MYO18A: variants seen among roughly 807,000 people sequenced by gnomAD.
The protein encoded by MYO18A is unconventional myosin-XVIIIa.
MYO18A carries 78 observed loss-of-function variants against 235.8 expected under a neutral mutation model. The observed-to-expected ratio is 0.33, with a 90% CI of 0.28 to 0.40. The LOEUF is 0.40. MYO18A is among the 10% of genes least tolerant of loss of function. MYO18A has a pLI of 1.00. For missense variants in MYO18A, 2,215 were observed against 2,699.3 expected (o/e 0.82, Z 3.98); for synonymous variants, 977 against 1,077.8 (o/e 0.91, Z 1.83).
chr17:29,154,834 C>A (rs1388222835), intron 2 of MYO18A, among the ~76,000 whole-genome samples: 3 of 152,200 alleles, frequency 2.0e-5, no homozygotes, highest in Admixed American at 6.5e-5. Context: ...CTGCTCTGAG[C>A]CCAGTGCTTC....
intron 2 of MYO18A, among the ~76,000 whole-genome samples, chr17:29,159,478 CAAAA>C (rs201756176): frequency 6.6e-6 from 1 of 151,600 alleles, no homozygotes; most frequent in Admixed American, 6.6e-5. Flanking sequence ...ACAAAACAAA[CAAAA>C]AAAACAGAAA....
chr17:29,089,999 G>A lies in MYO18A; in HGVS notation c.5488C>T (p.Arg1830Cys), dbSNP rs532944708. The A allele has an allele frequency of 1.4e-5, 22 of 1,614,056 alleles. No individual in the cohort carries two copies. The highest frequency in any genetic ancestry group is 2.7e-5 in the African/African-American group (2 of 75,058). The part of the protein sequence containing the change: ...QEAKIRELET[R>C]LEFERTQVKR... ...ACTTGCGTCCTTTCAAACTCCAGGC[G>A]TGTCTCCAGCTCCCGTATCTTAGCT... Residue 1830 changes from arginine to cysteine, a missense_variant, in exon 37 of 42, where the codon CGC becomes TGC. Transcript: ENST00000527372.
At chr17:29,116,682 C>T (rs915027536) in intron 10 of MYO18A, among the ~76,000 whole-genome samples, 19 of 131,936 alleles carry the variant, frequency 1.4e-4, no homozygotes, top group Middle Eastern at 4.3e-3. Flanking sequence ...GAAAGAGACC[C>T]GCAAAGACAT....
chr17:29,110,665 G>C (rs576046432), intron 17 of MYO18A, 43 bp from the exon 18 acceptor site: 6 of 1,563,490 alleles, frequency 3.8e-6, no homozygotes, highest in Non-Finnish European at 5.2e-6. Context: ...CAGTCACATC[G>C]ATGGAGCGGG....
chr17:29,074,472 T>G lies in MYO18A; in HGVS notation c.*298A>C. On this transcript the variant is annotated 3_prime_UTR_variant, in exon 42 of 42. Transcript: ENST00000527372. The surrounding 1 kb of genome is among the most constrained non-coding windows in gnomAD (Gnocchi z 4.4). The stretch of plus-strand genomic sequence containing the variant: ...GAGGGAGGTCAACGTGCTGGCTCCA[T>G]GCAGTGCCAGGCCACCTGCCACTGC... 1.7e-6 allele frequency: 1 copy of G among 578,976 alleles called. No homozygotes were observed. The highest frequency in any genetic ancestry group is 3.1e-6 in the Non-Finnish European group (1 of 318,074). The allele number at this position is 578,976 out of a possible 1,614,324, so 35.9% of individuals were successfully genotyped here.
intron 1 of MYO18A, 32 bp from the exon 2 acceptor site, chr17:29,167,053 A>G: frequency 7.1e-7 from 1 of 1,403,208 alleles, no homozygotes; most frequent in Non-Finnish European, 9.4e-7. Flanking sequence ...GAGAAAGGTT[A>G]TTCGAACAGA....
intron 1 of MYO18A, among the ~76,000 whole-genome samples, chr17:29,178,565 A>T (rs1288434763): frequency 6.6e-6 from 1 of 152,148 alleles, no homozygotes; most frequent in African/African-American, 2.4e-5. Context: ...CGTCATGTCA[A>T]ATCCAGAAAC....
Position 29,140,396 on chromosome 17 carries a change from C to T in MYO18A, c.1000-18143G>A. On this transcript the variant is annotated intron_variant, in intron 2 of 41. Transcript: ENST00000527372. The surrounding 1 kb of genome is among the most constrained non-coding windows in gnomAD (Gnocchi z 4.2). ...AAGGAGACTCCGCTCTGATGCTGCT[C>T]TGGCTCCGTTAGCAGCTCAAAATAG... 1 of 1,284,044 alleles carries T rather than the reference C, an allele frequency of 7.8e-7. No individual in the cohort carries two copies. Among genetic ancestry groups the T allele is most frequent in the Non-Finnish European group, 1.0e-6 (1 of 986,354 alleles). 79.5% of individuals were successfully genotyped at this position (1,284,044 alleles called of 1,614,324 possible).
Position 29,074,237 on chromosome 17 carries a change from G to GC in MYO18A, c.*532dup. On this transcript the variant is annotated 3_prime_UTR_variant, in exon 42 of 42. Coordinates refer to ENST00000527372, the MANE Select transcript of MYO18A (RefSeq NM_078471.4). The surrounding 1 kb of genome is among the most constrained non-coding windows in gnomAD (Gnocchi z 4.4). ...CTTGGGAGCCCCAGCTACCACTACA[G>GC]CCCCCTCCCACTCTCAGGGATGCAG... 1 of 1,533,858 alleles carries GC rather than the reference G, an allele frequency of 6.5e-7. No individual in the cohort carries two copies. The highest frequency in any genetic ancestry group is 8.8e-7 in the Non-Finnish European group (1 of 1,131,186).
chr17:29,120,594 G>A lies in MYO18A; in HGVS notation c.1728+22C>T, dbSNP rs373903270. ...CATGTGGCCTGTGTCCTACTACCCC[G>A]AGTCCTGGGCAGCACTCTCACCTGA... On this transcript the variant is annotated intron_variant, in intron 7 of 41. Coordinates refer to ENST00000527372, the MANE Select transcript of MYO18A (RefSeq NM_078471.4). This position sits in a 1 kb window ranked among gnomAD's most constrained non-coding sequence, Gnocchi z 4.2. 4.0e-5 allele frequency: 64 copies of A among 1,608,732 alleles called. No individual in the cohort carries two copies. Among genetic ancestry groups the A allele is most frequent in the East Asian group, 1.3e-4 (6 of 44,840 alleles).
At chr17:29,092,238 C>A in intron 34 of MYO18A, 105 bp downstream of exon 34, 1 of 791,252 alleles carries the variant, frequency 1.3e-6, no homozygotes. Context: ...GGACCTGTCA[C>A]AAGTCCTGAC....
chr17:29,079,624 G>T, intron 41 of MYO18A: 2 of 801,222 alleles, frequency 2.5e-6, no homozygotes, highest in Non-Finnish European at 3.0e-6. Context: ...ATGCCCGAGA[G>T]GAGTGCGGGT....
intron 2 of MYO18A, among the ~76,000 whole-genome samples, chr17:29,161,560 C>T (rs1442461108): frequency 6.6e-6 from 1 of 151,880 alleles, no homozygotes; most frequent in South Asian, 2.1e-4. Context: ...CTGGCCAGCA[C>T]CTCTGGCTCT....
chr17:29,083,514 G>A (rs58056572), intron 40 of MYO18A, among the ~76,000 whole-genome samples: 4,228 of 62,678 alleles, frequency 0.067, 178 homozygotes, highest in East Asian at 0.42. Context: ...AGCCACACAG[G>A]CATGTGTGCG....
At chr17:29,133,582 C>T (rs1205573641) in intron 2 of MYO18A, among the ~76,000 whole-genome samples, 3 of 152,098 alleles carry the variant, frequency 2.0e-5, no homozygotes, top group Non-Finnish European at 4.4e-5. Flanking sequence ...AGAGGTGGGG[C>T]TTAGGGGAGA....
intron 2 of MYO18A, among the ~76,000 whole-genome samples, chr17:29,138,126 T>C (rs1291475119): frequency 6.6e-6 from 1 of 152,068 alleles, no homozygotes; most frequent in Non-Finnish European, 1.5e-5. Flanking sequence ...CAGGAGGGAA[T>C]GGGGGCACAA....
In MYO18A at chr17:29,109,183, T is replaced by C. The variant is rs2066867706; in HGVS notation, c.3331+675A>G. On this transcript the variant is annotated intron_variant, in intron 19 of 41. Transcript: ENST00000527372. This position sits in a 1 kb window ranked among gnomAD's most constrained non-coding sequence, Gnocchi z 4.1. ...AAAAAAAAACAAAAAAAACCCACCC[T>C]ACTTGAGAGACATGAGACATGACTC... Among the ~76,000 whole-genome samples, 1 of 151,888 alleles carries C rather than the reference T, an allele frequency of 6.6e-6. No individual in the cohort carries two copies. Among genetic ancestry groups the C allele is most frequent in the African/African-American group, 2.4e-5 (1 of 41,346 alleles).
rs528028809 is a variant in MYO18A at position 29,115,248 on chromosome 17, C to T, written c.2318+103G>A. 6.9e-5 allele frequency: 100 copies of T among 1,454,268 alleles called. 1 individual carries two copies. The South Asian group carries it at 9.2e-4, about 13-fold the overall frequency. The allele number at this position is 1,454,268 out of a possible 1,614,324, so 90.1% of individuals were successfully genotyped here. ...GCTCATAGCCCATGGGACAGGGAGCCCCTGCTGGAAGAGACCGGCTCTGCC... is the reference window on the plus strand; with the variant it reads ...GCTCATAGCCCATGGGACAGGGAGCTCCTGCTGGAAGAGACCGGCTCTGCC... On this transcript the variant is annotated intron_variant, in intron 13 of 41. Transcript: ENST00000527372.
chr17:29,111,564 G>A lies in MYO18A; in HGVS notation c.2760C>T (p.His920=), dbSNP rs755605530. 5 of 1,613,778 alleles carry A rather than the reference G, an allele frequency of 3.1e-6. No homozygotes were observed. In the Admixed American group the frequency reaches 6.7e-5, roughly 22 times the overall value. ...GDKKGQSPLL[H]SSKPHHFLLG... ...GGAGAAAGTGGTGTGGTTTGCTGCT[G>A]TGCAGAAGGGGGCTTTGGCCTGATG... Residue 920 remains histidine (H), a synonymous_variant, in exon 17 of 42, where the codon CAC becomes CAT. Transcript: ENST00000527372. This position sits in a 1 kb window ranked among gnomAD's most constrained non-coding sequence, Gnocchi z 5.1.
Sources: allele counts gnomAD v4.1 joint callset (sites outside exome capture counted in the v4.1 genomes callset), GRCh38; gene constraint gnomAD v4.1.1; non-coding constraint Gnocchi (gnomAD v3.1); transcripts MANE v1.5; gene names NCBI Gene and HGNC (gene_info 2026-07-23, HGNC 2026-07-21).